GIN1: variants seen among roughly 807,000 people sequenced by gnomAD.
GIN1 encodes the protein gypsy retrotransposon integrase 1.
In GIN1, 41 loss-of-function variants were observed where a neutral mutation model predicts 51.4. The ratio of observed to expected loss-of-function variants is 0.80; its 90% CI spans 0.62 to 1.04. GIN1 has a LOEUF of 1.04. Ranked by LOEUF, GIN1 falls within the 50% of genes least tolerant of loss-of-function variation. GIN1 has a pLI of 0.00. For missense variants in GIN1, 610 were observed against 612.4 expected (o/e 1.00, Z 0.04); for synonymous variants, 222 against 206.5 (o/e 1.07, Z -0.64).
rs568545525 is a variant in GIN1, at chr5:103,106,098, T to C, written c.333+618A>G. On this transcript the variant is annotated intron_variant, in intron 3 of 7. Transcript: ENST00000399004. ...AGATATACCAAGGAATTCCTACCAT[T>C]TGACATACAGTACACTGGAAAGAGT... is the stretch of plus-strand genomic sequence containing the variant. Among the ~76,000 whole-genome samples the C allele has an allele frequency of 7.9e-5, 12 of 152,244 alleles. No homozygotes were observed. The South Asian group carries it at 2.5e-3, about 32-fold the overall frequency.
At chr5:103,092,885 G>T (rs1787286217) in intron 7 of GIN1, among the ~76,000 whole-genome samples, 2 of 133,992 alleles carry the variant, frequency 1.5e-5, no homozygotes, top group South Asian at 4.9e-4. Context: ...AGTCAAGGCT[G>T]CAGTGAGCTA....
chr5:103,089,412 T>C (rs1303896889), intron 7 of GIN1, among the ~76,000 whole-genome samples: 4 of 151,820 alleles, frequency 2.6e-5, no homozygotes, highest in Admixed American at 6.5e-5. Flanking sequence ...TATAGATATA[T>C]TTATTTATCT....
At chr5:103,119,137 A>C (rs1454530431) in intron 1 of GIN1, among the ~76,000 whole-genome samples, 2 of 152,200 alleles carry the variant, frequency 1.3e-5, no homozygotes, top group African/African-American at 2.4e-5. Flanking sequence ...TGTTCAATAA[A>C]GTAAGGCAGT....
At position 103,106,708 on chromosome 5, in the gene GIN1, A is replaced by G. The variant is rs1183933380; in HGVS notation, c.333+8T>C. 1.2e-5 allele frequency: 18 copies of G among 1,489,314 alleles called. No individual in the cohort carries two copies. The highest frequency in any genetic ancestry group is 1.6e-5 in the Non-Finnish European group (17 of 1,086,724). 92.3% of individuals were successfully genotyped at this position (1,489,314 alleles called of 1,614,324 possible). A position where few individuals can be genotyped will look rare whatever the true frequency, so the allele number is the denominator to read the frequency against. On this transcript the variant is annotated splice_region_variant and intron_variant, in intron 3 of 7. Transcript: ENST00000399004. ...TTATTCATAATACTCTAAATACATA[A>G]GCCATACCCACTGTTTGACATCATT...
chr5:103,086,124 TG>T lies in GIN1; in HGVS notation c.*1773del, dbSNP rs1310753163. The T allele has an allele frequency of 6.6e-6, 1 of 152,244 alleles. No homozygotes were observed. Among genetic ancestry groups the T allele is most frequent in the Non-Finnish European group, 1.5e-5 (1 of 68,034 alleles). 9.4% of individuals were successfully genotyped at this position (152,244 alleles called of 1,614,324 possible). A position where few individuals can be genotyped will look rare whatever the true frequency, so the allele number is the denominator to read the frequency against. On this transcript the variant is annotated 3_prime_UTR_variant, in exon 8 of 8. Coordinates refer to ENST00000399004, the MANE Select transcript of GIN1 (RefSeq NM_017676.2). The stretch of plus-strand genomic sequence containing the variant: ...TATTCAATGCCTCTCCCCTAACTTC[TG>T]GTAGTTTTCTGGCAATCTCTGTCAT...
intron 4 of GIN1, among the ~76,000 whole-genome samples, chr5:103,104,019 T>A (rs558297510): frequency 6.6e-6 from 1 of 152,058 alleles, no homozygotes; most frequent in Non-Finnish European, 1.5e-5. Context: ...AGTGGTGCAA[T>A]CTTGGCTCAC....
chr5:103,093,730 A>T (rs1787319358), intron 7 of GIN1, among the ~76,000 whole-genome samples: 1 of 152,196 alleles, frequency 6.6e-6, no homozygotes, highest in Non-Finnish European at 1.5e-5. Context: ...AACTGTGCAA[A>T]ATCTATGTCA....
intron 7 of GIN1, among the ~76,000 whole-genome samples, chr5:103,093,165 C>G (rs936917636): frequency 5.3e-5 from 8 of 151,930 alleles, no homozygotes; most frequent in Admixed American, 2.0e-4. Flanking sequence ...CTCCTTGGAT[C>G]CTGTGAATAT....
rs782587694 is a variant in GIN1 at position 103,097,623 on chromosome 5, T to C, written c.798A>G (p.Ser266=). 6.2e-7 allele frequency: 1 copy of C among 1,611,612 alleles called. No homozygotes were observed. The highest frequency in any genetic ancestry group is 1.3e-5 in the African/African-American group (1 of 74,886). The change falls in exon 5 of 8, where the codon TCA becomes TCG. Residue 266 remains serine, a synonymous_variant. Coordinates refer to ENST00000399004, the MANE Select transcript of GIN1 (RefSeq NM_017676.2). The part of the protein sequence containing the change: ...DHPNNWDDHL[S]AVSFAFNVTH... Reference sequence around the variant, plus strand: ...TTACATTGAAGGCAAATGAAACAGCTGATAGGTGATCATCCCAATTGTTTG... The same window carrying C: ...TTACATTGAAGGCAAATGAAACAGCCGATAGGTGATCATCCCAATTGTTTG...
chr5:103,103,828 T>C (rs906345071), intron 4 of GIN1, among the ~76,000 whole-genome samples: 6 of 152,194 alleles, frequency 3.9e-5, no homozygotes, highest in Non-Finnish European at 1.5e-5. Flanking sequence ...CTCACTCTGT[T>C]GCCCAGATTG....
chr5:103,088,189 C>G lies in GIN1; in HGVS notation c.1295-17G>C. 7.1e-7 allele frequency: 1 copy of G among 1,414,320 alleles called. No individual in the cohort carries two copies. Among genetic ancestry groups the G allele is most frequent in the Non-Finnish European group, 9.5e-7 (1 of 1,053,988 alleles). The allele number at this position is 1,414,320 out of a possible 1,614,324, so 87.6% of individuals were successfully genotyped here. On this transcript the variant is annotated splice_polypyrimidine_tract_variant and intron_variant, in intron 7 of 7. Transcript: ENST00000399004. Reference sequence around the variant, plus strand: ...AAAGACTTTCTGAAAAAAGAAAAATCATACATTTGACTTTTAGAATTATAA... The same window carrying G: ...AAAGACTTTCTGAAAAAAGAAAAATGATACATTTGACTTTTAGAATTATAA...
intron 1 of GIN1, among the ~76,000 whole-genome samples, chr5:103,117,695 C>T (rs532743869): frequency 3.3e-5 from 5 of 152,188 alleles, no homozygotes; most frequent in Admixed American, 2.6e-4. Flanking sequence ...TGCTAAGTGA[C>T]TCACGACTAC....
At chr5:103,095,396 G>C (rs1787364109) in intron 7 of GIN1, among the ~76,000 whole-genome samples, 1 of 152,112 alleles carries the variant, frequency 6.6e-6, no homozygotes, top group African/African-American at 2.4e-5. Flanking sequence ...AACTTGTTTA[G>C]AGTGCTGTCA....
chr5:103,103,105 G>T (rs1787621183), intron 4 of GIN1, among the ~76,000 whole-genome samples: 1 of 152,160 alleles, frequency 6.6e-6, no homozygotes, highest in African/African-American at 2.4e-5. Flanking sequence ...TAATGTCTAG[G>T]AGCTTAGATT....
chr5:103,108,327 ATG>A (rs1446606436), intron 2 of GIN1, among the ~76,000 whole-genome samples: 4 of 152,052 alleles, frequency 2.6e-5, no homozygotes, highest in African/African-American at 9.7e-5. Flanking sequence ...ATTTAGAAAA[ATG>A]TTTTGTTTTC....
At chr5:103,101,137 A>G (rs1554195750) in intron 4 of GIN1, among the ~76,000 whole-genome samples, 4 of 152,152 alleles carry the variant, frequency 2.6e-5, no homozygotes, top group African/African-American at 9.7e-5. Flanking sequence ...CAACATCACT[A>G]CTCTTGCACT....
rs183775362 is a variant in GIN1, at chr5:103,103,993, G to A, written c.639+548C>T. Among the ~76,000 whole-genome samples the A allele has an allele frequency of 2.1e-4, 32 of 151,814 alleles. No homozygotes were observed. In the East Asian group the frequency reaches 5.2e-3, roughly 25 times the overall value. On this transcript the variant is annotated intron_variant, in intron 4 of 7. Transcript: ENST00000399004. Reference sequence around the variant, plus strand: ...TTTCGAGATGGAGTCTCGCTCTGTCGCTCAGGCTGGAGTGCAGTGGTGCAA... The same window carrying A: ...TTTCGAGATGGAGTCTCGCTCTGTCACTCAGGCTGGAGTGCAGTGGTGCAA...
In GIN1 at chr5:103,097,767, C is replaced by T. The variant is rs1554195313; in HGVS notation, c.654G>A (p.Leu218=). 2.0e-6 allele frequency: 3 copies of T among 1,511,036 alleles called. No homozygotes were observed. Among genetic ancestry groups the T allele is most frequent in the Middle Eastern group, 1.7e-4 (1 of 5,842 alleles). The allele number at this position is 1,511,036 out of a possible 1,614,324, so 93.6% of individuals were successfully genotyped here. A position where few individuals can be genotyped will look rare whatever the true frequency, so the allele number is the denominator to read the frequency against. Residue 218 remains leucine, a synonymous_variant, in exon 5 of 8, where the codon CTG becomes CTA. Transcript: ENST00000399004. ...TTTGCTTTATGCCAAACAATCTGTA[C>T]AGTTCAATATTGATCTGAAAAATAT... ...DEFIQQINIE[L]YRLFGIKQIV... is the part of the protein sequence containing the mutation.
At chr5:103,110,752 G>A (rs1279024588) in intron 1 of GIN1, among the ~76,000 whole-genome samples, 2 of 152,112 alleles carry the variant, frequency 1.3e-5, no homozygotes, top group African/African-American at 4.8e-5. Flanking sequence ...ATTAGTCTAT[G>A]ACTATCAAAA....
Sources: gnomAD v4.1 joint callset for allele counts (sites outside exome capture counted in the v4.1 genomes callset) on GRCh38, gnomAD v4.1.1 for gene constraint, MANE v1.5 for transcripts, NCBI Gene and HGNC (gene_info 2026-07-23, HGNC 2026-07-21) for gene names.